The following ARL15 variants were observed in gnomAD, a reference collection of about 807,000 sequenced individuals.
The protein encoded by ARL15 is ARF like GTPase 15, also known as ADP-ribosylation factor-like protein 15.
A neutral mutation model predicts 25.2 loss-of-function variants in ARL15; 19 were observed. The observed-to-expected ratio is 0.75, with a 90% CI of 0.53 to 1.10. The LOEUF (loss-of-function observed/expected upper bound fraction) is 1.10, where lower values mean the gene tolerates loss of function less well. Among genes scored for constraint, ARL15 ranks in the 50% least tolerant of loss-of-function variants. The pLI, the probability that ARL15 is intolerant of heterozygous loss-of-function variation, is 0.00. For missense variants in ARL15, 220 were observed against 246.0 expected (o/e 0.89, Z 0.71); for synonymous variants, 94 against 86.8 (o/e 1.08, Z -0.46).
intron 1 of ARL15, among the ~76,000 whole-genome samples, chr5:54,205,301 G>A (rs1022912406): frequency 2.4e-4 from 36 of 152,056 alleles, no homozygotes; most frequent in African/African-American, 8.2e-4. Context: ...CTCAGAGATC[G>A]CTTGCCCAAG....
intron 1 of ARL15, among the ~76,000 whole-genome samples, chr5:54,198,302 C>G (rs969147194): frequency 6.6e-6 from 1 of 152,138 alleles, no homozygotes; most frequent in East Asian, 1.9e-4. Flanking sequence ...CCGGGGCAAT[C>G]AGGCAGGAGA....
intron 1 of ARL15, among the ~76,000 whole-genome samples, chr5:54,214,728 T>C (rs1756133298): frequency 6.6e-6 from 1 of 152,206 alleles, no homozygotes; most frequent in Non-Finnish European, 1.5e-5. Context: ...ATTTCAATGA[T>C]TGAGAACTTA....
At chr5:54,210,793 T>G (rs1329039865) in intron 1 of ARL15, among the ~76,000 whole-genome samples, 1 of 152,250 alleles carries the variant, frequency 6.6e-6, no homozygotes, top group Non-Finnish European at 1.5e-5. Context: ...AGACCTTATA[T>G]GCCACATAGT....
chr5:54,163,878 T>C (rs1754494133), intron 2 of ARL15, among the ~76,000 whole-genome samples: 1 of 152,012 alleles, frequency 6.6e-6, no homozygotes, highest in African/African-American at 2.4e-5. Context: ...ATTTTCTCTA[T>C]GGCTCTTCTA....
chr5:54,221,184 T>C (rs1307899574), intron 1 of ARL15, among the ~76,000 whole-genome samples: 2 of 152,198 alleles, frequency 1.3e-5, no homozygotes, highest in African/African-American at 2.4e-5. Context: ...CTTTCTTGTA[T>C]GTTAGGACTC....
chr5:54,061,589 G>A (rs938615549), intron 4 of ARL15, among the ~76,000 whole-genome samples: 16 of 152,052 alleles, frequency 1.1e-4, no homozygotes, highest in Non-Finnish European at 1.3e-4. Context: ...CAACAAGAGC[G>A]AAACTCCACT....
intron 1 of ARL15, among the ~76,000 whole-genome samples, chr5:54,297,140 G>A (rs576837823): frequency 1.3e-5 from 2 of 152,258 alleles, no homozygotes; most frequent in South Asian, 2.1e-4. Context: ...TAAGACTCTC[G>A]GCCTATTTTT....
At chr5:53,954,000 C>T (rs1747060562) in intron 4 of ARL15, among the ~76,000 whole-genome samples, 1 of 150,900 alleles carries the variant, frequency 6.6e-6, no homozygotes, top group Admixed American at 6.6e-5. Context: ...ATTCTATTTT[C>T]AAAACCTGAG....
intron 1 of ARL15, among the ~76,000 whole-genome samples, chr5:54,281,979 A>G (rs1338778730): frequency 1.3e-5 from 2 of 152,232 alleles, no homozygotes; most frequent in Non-Finnish European, 2.9e-5. Context: ...ATTGATGGAC[A>G]TTCGTATTGC....
intron 4 of ARL15, among the ~76,000 whole-genome samples, chr5:54,063,134 TA>T (rs563462443): frequency 4.6e-5 from 7 of 152,184 alleles, no homozygotes; most frequent in Non-Finnish European, 8.8e-5. Context: ...GAAAAACCCC[TA>T]AACAATGGGT....
chr5:54,246,266 T>C (rs1233128783), intron 1 of ARL15, among the ~76,000 whole-genome samples: 2 of 152,086 alleles, frequency 1.3e-5, no homozygotes, highest in Non-Finnish European at 2.9e-5. Context: ...TGCGCCCTTA[T>C]TCTGGGTTTT....
intron 4 of ARL15, among the ~76,000 whole-genome samples, chr5:54,034,152 A>C (rs904558485): frequency 2.6e-5 from 4 of 152,156 alleles, no homozygotes; most frequent in Admixed American, 2.6e-4. Context: ...ATTCCCCCAG[A>C]ATATTTTGAA....
At chr5:53,975,953 G>C (rs374211126) in intron 4 of ARL15, among the ~76,000 whole-genome samples, 3 of 152,170 alleles carry the variant, frequency 2.0e-5, no homozygotes, top group African/African-American at 7.2e-5. Context: ...AAAGCTACCC[G>C]CTGTCACAGA....
At chr5:54,186,871 C>CTTT (rs562016960) in intron 1 of ARL15, among the ~76,000 whole-genome samples, 8 of 135,914 alleles carry the variant, frequency 5.9e-5, no homozygotes, top group African/African-American at 2.2e-4. Context: ...GTAGCATCGA[C>CTTT]TTTTTTTTTT....
chr5:54,091,855 C>T (rs1437805301), intron 4 of ARL15, among the ~76,000 whole-genome samples: 1 of 152,166 alleles, frequency 6.6e-6, no homozygotes, highest in East Asian at 1.9e-4. Flanking sequence ...CTACAACAGG[C>T]GTCTGATGGG....
chr5:54,187,353 C>G (rs150203020), intron 1 of ARL15, among the ~76,000 whole-genome samples: 4 of 152,266 alleles, frequency 2.6e-5, no homozygotes, highest in Non-Finnish European at 5.9e-5. Flanking sequence ...AACCCTGTCT[C>G]CAAGTTCTTG....
intron 4 of ARL15, among the ~76,000 whole-genome samples, chr5:53,974,883 C>A (rs1334940776): frequency 6.6e-6 from 1 of 152,156 alleles, no homozygotes; most frequent in African/African-American, 2.4e-5. Flanking sequence ...GGCTTCTTTA[C>A]TGAACTTCTC....
intron 3 of ARL15, among the ~76,000 whole-genome samples, chr5:54,123,692 T>C (rs560672344): frequency 6.6e-6 from 1 of 152,230 alleles, no homozygotes; most frequent in South Asian, 2.1e-4. Flanking sequence ...ACTAGCCCAC[T>C]CCATCACATA....
At chr5:53,971,962 G>A (rs932626941) in intron 4 of ARL15, among the ~76,000 whole-genome samples, 6 of 152,196 alleles carry the variant, frequency 3.9e-5, no homozygotes, top group African/African-American at 1.2e-4. Flanking sequence ...ATTTATGGAT[G>A]AAATAGCATG....
Sources: allele counts gnomAD v4.1 joint callset (sites outside exome capture counted in the v4.1 genomes callset), GRCh38; gene constraint gnomAD v4.1.1; transcripts MANE v1.5; gene names NCBI Gene and HGNC (gene_info 2026-07-23, HGNC 2026-07-21).